Variants in CDK15 observed in about 807,000 individuals in gnomAD.
CDK15 encodes the protein cyclin-dependent kinase 15.
Under a neutral mutation model 60.3 loss-of-function variants are expected in CDK15, and 62 were observed. The observed-to-expected ratio is 1.03, with a 90% confidence interval of 0.84 to 1.27. CDK15 has a LOEUF of 1.27. Ranked by LOEUF, CDK15 falls within the 50% of genes most tolerant of loss-of-function variation. The pLI, the probability that CDK15 is intolerant of heterozygous loss-of-function variation, is 0.00. For missense variants in CDK15, 541 were observed against 527.8 expected (o/e 1.03, Z -0.25); for synonymous variants, 194 against 195.7 (o/e 0.99, Z 0.07).
intron 12 of CDK15, chr2:201,889,365 G>A (rs1239329762): frequency 4.1e-6 from 4 of 982,748 alleles, no homozygotes; most frequent in Non-Finnish European, 4.8e-6. Flanking sequence ...TGTGGCTGCT[G>A]CCTCTTGCTA....
At chr2:201,845,409 C>A (rs1265172534) in intron 8 of CDK15, among the ~76,000 whole-genome samples, 1 of 151,846 alleles carries the variant, frequency 6.6e-6, no homozygotes, top group Non-Finnish European at 1.5e-5. Flanking sequence ...TAAACTTGAT[C>A]GTCAAGAAAT....
At chr2:201,827,916 A>G (rs2105725174) in intron 6 of CDK15, among the ~76,000 whole-genome samples, 1 of 152,328 alleles carries the variant, frequency 6.6e-6, no homozygotes, top group Non-Finnish European at 1.5e-5. Flanking sequence ...AGAGCCAAGC[A>G]CTGAGCAGCA....
intron 4 of CDK15, among the ~76,000 whole-genome samples, chr2:201,819,219 T>C (rs1696119277): frequency 6.6e-6 from 1 of 152,162 alleles, no homozygotes; most frequent in East Asian, 1.9e-4. Context: ...TCTGCACCTA[T>C]ATGTATCACT....
At chr2:201,814,584 G>C in intron 4 of CDK15, among the ~76,000 whole-genome samples, 1 of 152,172 alleles carries the variant, frequency 6.6e-6, no homozygotes, top group East Asian at 1.9e-4. Flanking sequence ...TGAGACCAGG[G>C]AGACAGGAGG....
chr2:201,814,385 A>G (rs995895332), intron 4 of CDK15, among the ~76,000 whole-genome samples: 5 of 152,210 alleles, frequency 3.3e-5, no homozygotes, highest in African/African-American at 1.2e-4. Context: ...TAATATTAAA[A>G]ACCACAAGAG....
intron 3 of CDK15, among the ~76,000 whole-genome samples, chr2:201,812,200 C>CAAA (rs1219042543): frequency 3.0e-5 from 4 of 135,178 alleles, no homozygotes; most frequent in African/African-American, 5.5e-5. Context: ...AACAAAAAAA[C>CAAA]AAAAAAACAC....
intron 8 of CDK15, among the ~76,000 whole-genome samples, chr2:201,839,434 C>A (rs1697274905): frequency 6.6e-6 from 1 of 152,080 alleles, no homozygotes; most frequent in Non-Finnish European, 1.5e-5. Flanking sequence ...TAGATTGGAT[C>A]TTGGGGGAGA....
intron 10 of CDK15, among the ~76,000 whole-genome samples, chr2:201,856,832 C>T (rs1027269579): frequency 2.6e-5 from 4 of 152,084 alleles, no homozygotes; most frequent in Non-Finnish European, 4.4e-5. Context: ...TTGGTCCAGG[C>T]AATCAACAGT....
At chr2:201,832,669 T>C (rs1419325229) in intron 6 of CDK15, among the ~76,000 whole-genome samples, 1 of 152,252 alleles carries the variant, frequency 6.6e-6, no homozygotes, top group Non-Finnish European at 1.5e-5. Context: ...ACATGAAACC[T>C]GCATAGCTGC....
chr2:201,818,391 A>G (rs552722278), intron 4 of CDK15, among the ~76,000 whole-genome samples: 1 of 152,340 alleles, frequency 6.6e-6, no homozygotes, highest in East Asian at 1.9e-4. Flanking sequence ...ATAAAAAAAC[A>G]GTATTTTATG....
chr2:201,875,519 G>A (rs536356832), intron 11 of CDK15, among the ~76,000 whole-genome samples: 13 of 152,190 alleles, frequency 8.5e-5, no homozygotes, highest in East Asian at 1.9e-4. Context: ...TTGTTACAGC[G>A]TGATTTTAAT....
At chr2:201,832,757 TTAGATCAA>T (rs1394850206) in intron 6 of CDK15, among the ~76,000 whole-genome samples, 1 of 152,224 alleles carries the variant, frequency 6.6e-6, no homozygotes, top group Non-Finnish European at 1.5e-5. Context: ...CAGGTCTTTG[TTAGATCAA>T]TACTGGTCCT....
intron 12 of CDK15, chr2:201,889,326 T>A (rs1699562245): frequency 1.0e-6 from 1 of 985,318 alleles, no homozygotes; most frequent in Non-Finnish European, 1.2e-6. Flanking sequence ...GGGCCCTGAG[T>A]AAATTTTGCG....
rs190372713 is a variant in CDK15 at position 201,831,259 on chromosome 2, G to C, written c.607-2589G>C. Among the ~76,000 whole-genome samples the C allele has an allele frequency of 2.0e-3, 300 of 152,274 alleles. 2 individuals are homozygous for C. The highest frequency in any genetic ancestry group is 2.9e-3 in the Non-Finnish European group (197 of 68,026). ...GGAAGGACTCAGGCTTCCCTATAAG[G>C]AGTTGGCTAACGGATCTCATTGGTT... On this transcript the variant is annotated intron_variant, in intron 6 of 13. Transcript: ENST00000652192.
chr2:201,867,550 G>A (rs796846274), intron 10 of CDK15, among the ~76,000 whole-genome samples: 15 of 151,194 alleles, frequency 9.9e-5, no homozygotes, highest in Non-Finnish European at 1.5e-4. Context: ...GCTTGAGACC[G>A]GGAGGTCAAG....
rs567163377 is a variant in CDK15, at chr2:201,819,093, A to G, written c.449-3716A>G. On this transcript the variant is annotated intron_variant, in intron 4 of 13. Transcript: ENST00000652192. The stretch of plus-strand genomic sequence containing the variant: ...GGTGGTGACAGGCACTATGGAAAAG[A>G]ATAAAGCAGGGCCCAGAGAGAGAGG... Among the ~76,000 whole-genome samples, 4 of 152,256 alleles carry G rather than the reference A, an allele frequency of 2.6e-5. No homozygotes were observed. The South Asian group carries it at 6.2e-4, about 24-fold the overall frequency.
At chr2:201,892,791 A>T (rs1029838058) in intron 13 of CDK15, among the ~76,000 whole-genome samples, 1 of 152,270 alleles carries the variant, frequency 6.6e-6, no homozygotes, top group Non-Finnish European at 1.5e-5. Context: ...TTTTCCAGTG[A>T]ATTGAATTTA....
intron 8 of CDK15, among the ~76,000 whole-genome samples, chr2:201,836,053 A>C (rs56292223): frequency 9.2e-5 from 1 of 10,922 alleles, no homozygotes; most frequent in East Asian, 6.6e-3. Context: ...ATATTTATAT[A>C]TATATTATAT....
chr2:201,814,367 T>C (rs1574848248), intron 4 of CDK15, among the ~76,000 whole-genome samples: 1 of 152,258 alleles, frequency 6.6e-6, no homozygotes, highest in African/African-American at 2.4e-5. Context: ...CCGAATGCTT[T>C]GCTCGTGTAA....
Sources: gnomAD v4.1 joint callset for allele counts (sites outside exome capture counted in the v4.1 genomes callset) on GRCh38, gnomAD v4.1.1 for gene constraint, MANE v1.5 for transcripts, NCBI Gene and HGNC (gene_info 2026-07-23, HGNC 2026-07-21) for gene names.